The following PAIP2B variants were observed in gnomAD, a reference collection of about 807,000 sequenced individuals.
The protein encoded by PAIP2B is polyadenylate-binding protein-interacting protein 2B.
Under a neutral mutation model 17.0 loss-of-function variants are expected in PAIP2B, and 13 were observed. That is an observed-to-expected ratio of 0.76 (90% CI 0.50 to 1.22). The LOEUF is 1.22. Among genes scored for constraint, PAIP2B ranks in the 50% most tolerant of loss-of-function variants. The pLI, the probability that PAIP2B is intolerant of heterozygous loss-of-function variation, is 0.00. For synonymous variants in PAIP2B, 43 were observed against 48.7 expected, an observed-to-expected ratio of 0.88 and a Z score of 0.48; for missense variants, 117 against 144.5, an observed-to-expected ratio of 0.81 and a Z score of 0.98.
In PAIP2B at chr2:71,187,270, G is replaced by T. The variant is rs1309764025; in HGVS notation, c.*1209C>A. 6.6e-6 allele frequency: 1 copy of T among 152,288 alleles called. No individual in the cohort carries two copies. Among genetic ancestry groups the T allele is most frequent in the Admixed American group, 6.5e-5 (1 of 15,284 alleles). The allele number at this position is 152,288 out of a possible 1,614,324, so 9.4% of individuals were successfully genotyped here. On this transcript the variant is annotated 3_prime_UTR_variant, in exon 4 of 4. Transcript: ENST00000244221. ...AAAGACAAAGAAACACACCCTAAGA[G>T]GTCAATCTACAAAACTTGCAAAGCT...
intron 1 of PAIP2B, among the ~76,000 whole-genome samples, chr2:71,215,633 GC>G (rs1188765877): frequency 1.1e-4 from 16 of 152,298 alleles, no homozygotes; most frequent in African/African-American, 3.8e-4. Context: ...GAGACTATTA[GC>G]CGTGGAACGA....
In PAIP2B at chr2:71,212,297, A is replaced by T. The variant is rs181870493; in HGVS notation, c.-11-9697T>A. 1.6e-3 allele frequency among the ~76,000 whole-genome samples: 240 copies of T among 152,302 alleles called. 2 individuals are homozygous for T. Among genetic ancestry groups the T allele is most frequent in the African/African-American group, 5.5e-3 (228 of 41,562 alleles). ...CCATCTCACATTTGATTGTATGTAT[A>T]TTTGAGAGAGCATCACTCATTACTT... On this transcript the variant is annotated intron_variant, in intron 1 of 3. Transcript: ENST00000244221.
chr2:71,213,725 T>C (rs993041442), intron 1 of PAIP2B, among the ~76,000 whole-genome samples: 1 of 152,194 alleles, frequency 6.6e-6, no homozygotes, highest in Non-Finnish European at 1.5e-5. Context: ...GACTTAAGTA[T>C]GAATTGGGAA....
In PAIP2B at chr2:71,188,295, T is replaced by C; in HGVS notation, c.*184A>G. ...AAAAGTCAGCAGAACAAAATAGAAA[T>C]ACTCAGAGGCTTAGAATAAGACTGA... On this transcript the variant is annotated 3_prime_UTR_variant, in exon 4 of 4. Transcript: ENST00000244221. The C allele has an allele frequency of 7.3e-6, 4 of 544,888 alleles. No individual in the cohort carries two copies. The highest frequency in any genetic ancestry group is 9.7e-6 in the Non-Finnish European group (3 of 308,586). The allele number at this position is 544,888 out of a possible 1,614,324, so 33.8% of individuals were successfully genotyped here.
At chr2:71,219,520 T>C (rs1384945646) in intron 1 of PAIP2B, among the ~76,000 whole-genome samples, 2 of 152,158 alleles carry the variant, frequency 1.3e-5, no homozygotes, top group Non-Finnish European at 2.9e-5. Context: ...TTAAAATATA[T>C]GAAATTGAGG....
Position 71,184,381 on chromosome 2 carries a change from T to A in PAIP2B, c.*4098A>T, listed in dbSNP as rs554461029. ...GTATCCAGCTATTCTATTGCCACGATGCCTCTAAAAACCAGACTGACTGGG... is the reference window on the plus strand; with the variant it reads ...GTATCCAGCTATTCTATTGCCACGAAGCCTCTAAAAACCAGACTGACTGGG... On this transcript the variant is annotated 3_prime_UTR_variant, in exon 4 of 4. Transcript: ENST00000244221. 6.6e-6 allele frequency: 1 copy of A among 152,308 alleles called. No homozygotes were observed. The highest frequency in any genetic ancestry group is 1.5e-5 in the Non-Finnish European group (1 of 68,044). 9.4% of individuals were successfully genotyped at this position (152,308 alleles called of 1,614,324 possible).
rs917976261 is a variant in PAIP2B, at chr2:71,187,643, C to T, written c.*836G>A. On this transcript the variant is annotated 3_prime_UTR_variant, in exon 4 of 4. Transcript: ENST00000244221. ...GCTAATTGCCAGCACAGCAGGCCTC[C>T]CCTATGCCTTTGGTAGCAGTATCTT... 5 of 152,170 alleles carry T rather than the reference C, an allele frequency of 3.3e-5. No homozygotes were observed. Among genetic ancestry groups the T allele is most frequent in the African/African-American group, 1.2e-4 (5 of 41,440 alleles). 9.4% of individuals were successfully genotyped at this position (152,170 alleles called of 1,614,324 possible).
intron 2 of PAIP2B, among the ~76,000 whole-genome samples, chr2:71,201,099 C>T (rs1674973897): frequency 6.6e-6 from 1 of 151,540 alleles, no homozygotes; most frequent in Non-Finnish European, 1.5e-5. Context: ...TTTCCATGTA[C>T]CTTGTCTCTG....
chr2:71,211,189 G>T (rs1675287948), intron 1 of PAIP2B, among the ~76,000 whole-genome samples: 1 of 151,900 alleles, frequency 6.6e-6, no homozygotes, highest in Non-Finnish European at 1.5e-5. Flanking sequence ...AACCCGGGAG[G>T]CAGAGGTTGC....
rs1011849895 is a variant in PAIP2B at position 71,184,025 on chromosome 2, T to A, written c.*4454A>T. The A allele has an allele frequency of 4.6e-5, 7 of 152,238 alleles. No homozygotes were observed. The highest frequency in any genetic ancestry group is 1.7e-4 in the African/African-American group (7 of 41,464). The allele number at this position is 152,238 out of a possible 1,614,324, so 9.4% of individuals were successfully genotyped here. ...CTCATAATCAACAGGACAGAATAACTACTTAGTGATGATTTACAGAGTGAA... is the reference window on the plus strand; with the variant it reads ...CTCATAATCAACAGGACAGAATAACAACTTAGTGATGATTTACAGAGTGAA... On this transcript the variant is annotated 3_prime_UTR_variant, in exon 4 of 4. Transcript: ENST00000244221.
At position 71,184,439 on chromosome 2, in the gene PAIP2B, G is replaced by T. The variant is rs1447401061; in HGVS notation, c.*4040C>A. 6.6e-6 allele frequency: 1 copy of T among 152,244 alleles called. No individual in the cohort carries two copies. Among genetic ancestry groups the T allele is most frequent in the East Asian group, 1.9e-4 (1 of 5,198 alleles). 9.4% of individuals were successfully genotyped at this position (152,244 alleles called of 1,614,324 possible). Reference sequence around the variant, plus strand: ...GTAGGGGGTTGGCCAGTGAGGGCAGGTGACTAAGTGGTGTGCAGGAAACTC... The same window carrying T: ...GTAGGGGGTTGGCCAGTGAGGGCAGTTGACTAAGTGGTGTGCAGGAAACTC... On this transcript the variant is annotated 3_prime_UTR_variant, in exon 4 of 4. Coordinates refer to ENST00000244221, the MANE Select transcript of PAIP2B (RefSeq NM_020459.1).
chr2:71,198,285 AT>A (rs35659531), intron 2 of PAIP2B, among the ~76,000 whole-genome samples: 43,936 of 130,228 alleles, frequency 0.34, 7,958 homozygotes, highest in Admixed American at 0.46. Context: ...GGCCCAGCTA[AT>A]TTTTTTTTTT....
chr2:71,210,663 A>C (rs1036434432), intron 1 of PAIP2B, among the ~76,000 whole-genome samples: 1 of 152,228 alleles, frequency 6.6e-6, no homozygotes, highest in African/African-American at 2.4e-5. Context: ...CTATATTTGT[A>C]AAATATATCA....
At position 71,202,476 on chromosome 2, in the gene PAIP2B, C is replaced by G; in HGVS notation, c.114G>C (p.Glu38Asp). The change falls in exon 2 of 4, where the codon GAG becomes GAC. Residue 38 changes from glutamate to aspartate, a missense_variant. Transcript: ENST00000244221. ...ENPFAEYMWM[E>D]NEEDFNRQVE... ...CCTGTCTGTTGAAATCCTCTTCATT[C>G]TCCATCCACATGTACTCTGCAAATG... 1 of 1,613,748 alleles carries G rather than the reference C, an allele frequency of 6.2e-7. No individual in the cohort carries two copies. The highest frequency in any genetic ancestry group is 1.3e-5 in the African/African-American group (1 of 75,054).
In PAIP2B at chr2:71,226,431, G is replaced by A. The variant is rs1675728074; in HGVS notation, c.-12+497C>T. Among the ~76,000 whole-genome samples the A allele has an allele frequency of 2.6e-5, 4 of 152,220 alleles. No homozygotes were observed. In the South Asian group the frequency reaches 8.3e-4, roughly 32 times the overall value. ...GAATGAGGGCTGGAGTCAAGGGGGAGATGGAGCAAGTATAAAAAGGCAGAG... is the reference window on the plus strand; with the variant it reads ...GAATGAGGGCTGGAGTCAAGGGGGAAATGGAGCAAGTATAAAAAGGCAGAG... On this transcript the variant is annotated intron_variant, in intron 1 of 3. Transcript: ENST00000244221.
chr2:71,211,320 TC>T, intron 1 of PAIP2B, among the ~76,000 whole-genome samples: 1 of 152,286 alleles, frequency 6.6e-6, no homozygotes, highest in South Asian at 2.1e-4. Context: ...TGAGCGGTTT[TC>T]AGTCTTAGGA....
At chr2:71,204,230 C>T (rs1301207542) in intron 1 of PAIP2B, among the ~76,000 whole-genome samples, 1 of 152,142 alleles carries the variant, frequency 6.6e-6, no homozygotes, top group African/African-American at 2.4e-5. Context: ...TAACTCATCT[C>T]TCTTCAACCT....
chr2:71,196,987 T>C (rs1674838321), intron 2 of PAIP2B, among the ~76,000 whole-genome samples: 1 of 152,190 alleles, frequency 6.6e-6, no homozygotes, highest in Non-Finnish European at 1.5e-5. Context: ...TCTGTGCCTT[T>C]TAAGTGAGGC....
At chr2:71,221,647 G>C (rs1234077181) in intron 1 of PAIP2B, among the ~76,000 whole-genome samples, 1 of 151,850 alleles carries the variant, frequency 6.6e-6, no homozygotes, top group Non-Finnish European at 1.5e-5. Flanking sequence ...TATTAGGTAA[G>C]TATTTGAATT....
Sources: allele counts gnomAD v4.1 joint callset (sites outside exome capture counted in the v4.1 genomes callset), GRCh38; gene constraint gnomAD v4.1.1; transcripts MANE v1.5; gene names NCBI Gene and HGNC (gene_info 2026-07-23, HGNC 2026-07-21).